The following NR6A1 variants were observed in gnomAD, a reference collection of about 807,000 sequenced individuals.
NR6A1 encodes the protein nuclear receptor subfamily 6 group A member 1, also known as retinoic acid receptor-related testis-associated receptor.
A neutral mutation model predicts 59.1 loss-of-function variants in NR6A1; 7 were observed. The ratio of observed to expected loss-of-function variants is 0.12; its 90% confidence interval spans 0.07 to 0.22. The LOEUF (loss-of-function observed/expected upper bound fraction) is 0.22. Ranked by LOEUF, NR6A1 falls within the 10% of genes least tolerant of loss-of-function variation. The pLI is 1.00. For synonymous variants in NR6A1, 243 were observed against 236.1 expected (o/e 1.03, Z -0.27); for missense variants, 468 against 611.6 (o/e 0.77, Z 2.48).
At chr9:124,629,649 C>A (rs1836365562) in intron 2 of NR6A1, among the ~76,000 whole-genome samples, 1 of 152,180 alleles carries the variant, frequency 6.6e-6, no homozygotes. Flanking sequence ...CTCTCACTTT[C>A]TTGAGGTGTC....
chr9:124,770,954 G>T, intron 1 of NR6A1, 66 bp downstream of exon 1: 2 of 911,960 alleles, frequency 2.2e-6, no homozygotes, highest in Non-Finnish European at 2.9e-6. Context: ...AGAGGAGGGG[G>T]ATCCCTGGCG....
chr9:124,576,647 C>T (rs1440105802), intron 2 of NR6A1, among the ~76,000 whole-genome samples: 2 of 152,102 alleles, frequency 1.3e-5, no homozygotes, highest in African/African-American at 4.8e-5. Context: ...TTAATGTCTC[C>T]GAGCTTTGGT....
At chr9:124,602,928 T>C (rs1261391615) in intron 2 of NR6A1, among the ~76,000 whole-genome samples, 1 of 152,234 alleles carries the variant, frequency 6.6e-6, no homozygotes, top group Non-Finnish European at 1.5e-5. Flanking sequence ...TTACTTATAG[T>C]GCAAATATTA....
At chr9:124,648,976 T>C (rs1033751342) in intron 2 of NR6A1, among the ~76,000 whole-genome samples, 1 of 151,888 alleles carries the variant, frequency 6.6e-6, no homozygotes, top group East Asian at 1.9e-4. Context: ...AGGAAAGACA[T>C]CCCATGTTCA....
At chr9:124,523,168 T>C (rs1832841574) in intron 9 of NR6A1, among the ~76,000 whole-genome samples, 1 of 152,196 alleles carries the variant, frequency 6.6e-6, no homozygotes, top group Non-Finnish European at 1.5e-5. Context: ...TCTGTCCTGT[T>C]TTCTTCACCC....
chr9:124,592,273 A>G (rs972314306), intron 2 of NR6A1, among the ~76,000 whole-genome samples: 5 of 152,298 alleles, frequency 3.3e-5, no homozygotes, highest in African/African-American at 4.8e-5. Flanking sequence ...CACATTAAAG[A>G]CCACATTGTT....
chr9:124,649,383 T>C lies in NR6A1; in HGVS notation c.142+83925A>G, dbSNP rs954980915. ...GGACAGTCACTCCAATAAATGGCACTGGGAAAGCGAGATGTCCATATGCAG... is the reference window on the plus strand; with the variant it reads ...GGACAGTCACTCCAATAAATGGCACCGGGAAAGCGAGATGTCCATATGCAG... On this transcript the variant is annotated intron_variant, in intron 2 of 9. Coordinates refer to ENST00000487099, the MANE Select transcript of NR6A1 (RefSeq NM_033334.4). Among the ~76,000 whole-genome samples the C allele has an allele frequency of 2.0e-5, 3 of 152,108 alleles. No individual in the cohort carries two copies. The East Asian group carries it at 5.8e-4, about 29-fold the overall frequency.
At chr9:124,536,912 G>A (rs114958445) in intron 6 of NR6A1, among the ~76,000 whole-genome samples, 1,535 of 152,252 alleles carry the variant, frequency 0.01, 24 homozygotes, top group African/African-American at 0.035. Flanking sequence ...TCCACCCCCT[G>A]GTGGTGAGTT....
At chr9:124,680,914 T>G (rs1838133385) in intron 2 of NR6A1, among the ~76,000 whole-genome samples, 1 of 152,220 alleles carries the variant, frequency 6.6e-6, no homozygotes, top group African/African-American at 2.4e-5. Flanking sequence ...CCCTTGGCAG[T>G]AATTTAGTAG....
chr9:124,586,654 G>A (rs1277704372), intron 2 of NR6A1, among the ~76,000 whole-genome samples: 2 of 152,024 alleles, frequency 1.3e-5, no homozygotes, highest in African/African-American at 2.4e-5. Context: ...TCACTATGTT[G>A]CCCAGGCTGG....
At chr9:124,733,953 T>C (rs1335477121) in intron 1 of NR6A1, among the ~76,000 whole-genome samples, 1 of 152,184 alleles carries the variant, frequency 6.6e-6, no homozygotes, top group African/African-American at 2.4e-5. Flanking sequence ...CCAAAAAGTA[T>C]GAGCTATATT....
intron 2 of NR6A1, among the ~76,000 whole-genome samples, chr9:124,609,207 G>C (rs1835667597): frequency 5.9e-5 from 9 of 152,106 alleles, no homozygotes; most frequent in Admixed American, 5.2e-4. Context: ...GAATGGTCCT[G>C]CCTACGTTTT....
intron 2 of NR6A1, among the ~76,000 whole-genome samples, chr9:124,638,517 T>C (rs184097904): frequency 5.9e-5 from 9 of 152,176 alleles, no homozygotes; most frequent in South Asian, 4.1e-4. Flanking sequence ...CAGAACAAGA[T>C]TGTGGCTTGT....
At chr9:124,646,821 C>CA (rs956694247) in intron 2 of NR6A1, among the ~76,000 whole-genome samples, 3 of 151,954 alleles carry the variant, frequency 2.0e-5, no homozygotes, top group African/African-American at 7.2e-5. Flanking sequence ...AAAACACATA[C>CA]AAAAAAATAG....
rs1318142120 is a variant in NR6A1 at position 124,691,351 on chromosome 9, A to G, written c.142+41957T>C. Among the ~76,000 whole-genome samples, 8 of 152,322 alleles carry G rather than the reference A, an allele frequency of 5.3e-5. No individual in the cohort carries two copies. In the East Asian group the frequency reaches 1.5e-3, roughly 29 times the overall value. On this transcript the variant is annotated intron_variant, in intron 2 of 9. Coordinates refer to ENST00000487099, the MANE Select transcript of NR6A1 (RefSeq NM_033334.4). Reference sequence around the variant, plus strand: ...ACGTGTACCATTTGGCTGCTTTAAAAATGAATTTGAGACCAGTCAGCCTTT... The same window carrying G: ...ACGTGTACCATTTGGCTGCTTTAAAGATGAATTTGAGACCAGTCAGCCTTT...
chr9:124,699,455 T>G (rs908259916), intron 2 of NR6A1, among the ~76,000 whole-genome samples: 2 of 152,188 alleles, frequency 1.3e-5, no homozygotes, highest in Non-Finnish European at 2.9e-5. Flanking sequence ...TTATACTCTG[T>G]AGTGGGGTAG....
intron 1 of NR6A1, among the ~76,000 whole-genome samples, chr9:124,767,736 A>C (rs147137417): frequency 6.6e-6 from 1 of 152,324 alleles, no homozygotes; most frequent in East Asian, 1.9e-4. Flanking sequence ...GCATGGTTAT[A>C]GCAGAAGAAA....
intron 2 of NR6A1, among the ~76,000 whole-genome samples, chr9:124,669,243 A>G (rs1564228033): frequency 6.6e-6 from 1 of 152,250 alleles, no homozygotes; most frequent in African/African-American, 2.4e-5. Context: ...CAATGTTTTT[A>G]TGTCTGAATT....
At chr9:124,762,864 G>A (rs1391328068) in intron 1 of NR6A1, among the ~76,000 whole-genome samples, 5 of 152,182 alleles carry the variant, frequency 3.3e-5, no homozygotes, top group Admixed American at 2.0e-4. Flanking sequence ...TTGGGAAGCT[G>A]TCAAGCTCTT....
Sources: gnomAD v4.1 joint callset for allele counts (sites outside exome capture counted in the v4.1 genomes callset) on GRCh38, gnomAD v4.1.1 for gene constraint, MANE v1.5 for transcripts, NCBI Gene and HGNC (gene_info 2026-07-23, HGNC 2026-07-21) for gene names.